The following DROSHA variants were observed in gnomAD, a reference collection of about 807,000 sequenced individuals.
The protein encoded by DROSHA is ribonuclease 3.
A neutral mutation model predicts 181.9 loss-of-function variants in DROSHA; 56 were observed. The ratio of observed to expected loss-of-function variants is 0.31; its 90% CI spans 0.25 to 0.38. DROSHA has a LOEUF of 0.38. DROSHA is among the 10% of genes least tolerant of loss of function. The pLI is 1.00. For missense variants in DROSHA, 1,218 were observed against 1,743.5 expected (o/e 0.70, Z 5.37); for synonymous variants, 524 against 591.2 (o/e 0.89, Z 1.65).
intron 20 of DROSHA, among the ~76,000 whole-genome samples, chr5:31,458,518 T>G (rs945250919): frequency 6.6e-6 from 1 of 152,200 alleles, no homozygotes; most frequent in Non-Finnish European, 1.5e-5. Flanking sequence ...TGGCAGACCC[T>G]GGGTCTACAT....
At chr5:31,414,210 AT>A (rs530839431) in intron 30 of DROSHA, among the ~76,000 whole-genome samples, 9 of 150,528 alleles carry the variant, frequency 6.0e-5, no homozygotes, top group Non-Finnish European at 8.9e-5. Context: ...TTGTGAGGTA[AT>A]TTTTTTTTTA....
intron 20 of DROSHA, among the ~76,000 whole-genome samples, chr5:31,453,178 G>C (rs1470093344): frequency 6.6e-6 from 1 of 152,092 alleles, no homozygotes; most frequent in Non-Finnish European, 1.5e-5. Flanking sequence ...ACCCTCTTTA[G>C]AGTTTGCTGA....
chr5:31,464,245 A>G lies in DROSHA; in HGVS notation c.2565T>C (p.Asp855=), dbSNP rs1561202185. 1.2e-6 allele frequency: 2 copies of G among 1,613,506 alleles called. No homozygotes were observed. Among genetic ancestry groups the G allele is most frequent in the Non-Finnish European group, 8.5e-7 (1 of 1,179,630 alleles). ...TCAGAAGTCTCCCCACCTGACAGAC[A>G]TCAGAACGGATGCCAGTTTTCCAGA... The part of the protein sequence containing the change: ...QGFWKTGIRS[D]VCQHAMMLPV... Residue 855 remains aspartate (D), a synonymous_variant, in exon 20 of 36, where the codon GAT becomes GAC. Coordinates refer to ENST00000344624, the MANE Select transcript of DROSHA (RefSeq NM_001382508.1).
At chr5:31,444,331 A>G (rs1561169889) in intron 23 of DROSHA, among the ~76,000 whole-genome samples, 1 of 152,148 alleles carries the variant, frequency 6.6e-6, no homozygotes, top group Non-Finnish European at 1.5e-5. Context: ...TCAAGGAAAG[A>G]GGCTCTCAAC....
intron 3 of DROSHA, among the ~76,000 whole-genome samples, 185 bp downstream of exon 3, chr5:31,530,613 A>G (rs944247297): frequency 2.1e-5 from 3 of 144,486 alleles, no homozygotes; most frequent in African/African-American, 5.1e-5. Flanking sequence ...CTGGGCAACA[A>G]GAGCGAAACT....
At chr5:31,462,049 T>C (rs758888143) in intron 20 of DROSHA, among the ~76,000 whole-genome samples, 5 of 152,170 alleles carry the variant, frequency 3.3e-5, no homozygotes, top group Non-Finnish European at 7.4e-5. Context: ...TTGGTTTTAA[T>C]AGTTCACTCT....
intron 15 of DROSHA, among the ~76,000 whole-genome samples, 169 bp downstream of exon 15, chr5:31,484,712 T>C (rs992178924): frequency 2.0e-5 from 3 of 152,268 alleles, no homozygotes; most frequent in Non-Finnish European, 4.4e-5. Flanking sequence ...CCATAGAAAC[T>C]TATTCATGTC....
In DROSHA at chr5:31,472,216, C is replaced by T; in HGVS notation, c.2088G>A (p.Val696=). 1 of 1,607,776 alleles carries T rather than the reference C, an allele frequency of 6.2e-7. No individual in the cohort carries two copies. The highest frequency in any genetic ancestry group is 8.5e-7 in the Non-Finnish European group (1 of 1,176,782). Residue 696 remains valine (V), a synonymous_variant, in exon 17 of 36, where the codon GTG becomes GTA. Transcript: ENST00000344624. ...ACAGGAGAATCTGGTGCATGGACAG[C>T]ACTTCCTTTCCTCCATCTTGGGTGG... ...VRFLPDGGKE[V]LSMHQILLYL...
intron 16 of DROSHA, among the ~76,000 whole-genome samples, chr5:31,473,101 C>T (rs2150029727): frequency 1.3e-5 from 2 of 152,310 alleles, no homozygotes; most frequent in South Asian, 4.1e-4. Flanking sequence ...ACAATCATTA[C>T]CCTCTCCCAG....
At chr5:31,420,764 T>G (rs575691015) in intron 30 of DROSHA, among the ~76,000 whole-genome samples, 77 of 152,374 alleles carry the variant, frequency 5.1e-4, no homozygotes, top group African/African-American at 1.8e-3. Flanking sequence ...CCATGAAGCC[T>G]TCTTTGAACT....
intron 16 of DROSHA, among the ~76,000 whole-genome samples, chr5:31,473,871 G>C (rs1033635813): frequency 6.6e-6 from 1 of 152,208 alleles, no homozygotes; most frequent in African/African-American, 2.4e-5. Context: ...GAATGTGAGA[G>C]AGGCAGCAGG....
intron 30 of DROSHA, among the ~76,000 whole-genome samples, chr5:31,419,597 C>T (rs1035830519): frequency 1.3e-5 from 2 of 151,952 alleles, no homozygotes; most frequent in Non-Finnish European, 2.9e-5. Context: ...GGAAAATGTA[C>T]ACGGTGAGCA....
At chr5:31,495,171 A>T (rs1339673626) in intron 12 of DROSHA, 115 bp downstream of exon 12, 7 of 1,226,944 alleles carry the variant, frequency 5.7e-6, no homozygotes, top group Non-Finnish European at 8.0e-6. Flanking sequence ...CAACATAAAA[A>T]TAAAATATTT....
In DROSHA at chr5:31,409,630, C is replaced by T; in HGVS notation, c.3668-298G>A. 1 of 338,032 alleles carries T rather than the reference C, an allele frequency of 3.0e-6. No homozygotes were observed. The highest frequency in any genetic ancestry group is 5.5e-6 in the Non-Finnish European group (1 of 181,476). 20.9% of individuals were successfully genotyped at this position (338,032 alleles called of 1,614,324 possible). On this transcript the variant is annotated intron_variant, in intron 31 of 35. Transcript: ENST00000344624. This position sits in a 1 kb window ranked among gnomAD's most constrained non-coding sequence, Gnocchi z 4.0. ...TGTATATCAGGGAAAAAATGCTGAG[C>T]ACCCAACCCTGTTCACATCAAATAA...
chr5:31,529,735 A>AAAC (rs202205732), intron 3 of DROSHA, among the ~76,000 whole-genome samples: 4,606 of 95,844 alleles, frequency 0.048, 245 homozygotes, highest in African/African-American at 0.19. Flanking sequence ...AAAAACAAAC[A>AAAC]AAAAAAAAAA....
intron 16 of DROSHA, among the ~76,000 whole-genome samples, chr5:31,476,628 TA>T (rs1374051934): frequency 6.6e-6 from 1 of 152,078 alleles, no homozygotes; most frequent in East Asian, 1.9e-4. Flanking sequence ...TGTAAAAAAG[TA>T]GAAACTCAGG....
chr5:31,435,349 T>C (rs1744663313), intron 25 of DROSHA, among the ~76,000 whole-genome samples: 1 of 152,206 alleles, frequency 6.6e-6, no homozygotes, highest in Non-Finnish European at 1.5e-5. Context: ...GGATAAAAAA[T>C]GGTCTGTAAT....
In DROSHA at chr5:31,484,870, C is replaced by A; in HGVS notation, c.1996+11G>T. 6.6e-7 allele frequency: 1 copy of A among 1,510,666 alleles called. No homozygotes were observed. The highest frequency in any genetic ancestry group is 9.0e-7 in the Non-Finnish European group (1 of 1,115,658). 93.6% of individuals were successfully genotyped at this position (1,510,666 alleles called of 1,614,324 possible). A position where few individuals can be genotyped will look rare whatever the true frequency, so the allele number is the denominator to read the frequency against. On this transcript the variant is annotated intron_variant, in intron 15 of 35. Transcript: ENST00000344624. ...TAAACACTACTCTCTTCTTTAAATC[C>A]TATTACTTACCTTTAAGATTCCAGT...
chr5:31,430,948 CA>C lies in DROSHA; in HGVS notation c.3145+627del, dbSNP rs149284294. Among the ~76,000 whole-genome samples, 1,943 of 152,224 alleles carry C rather than the reference CA, an allele frequency of 0.013. 112 individuals carry two copies. In the East Asian group the frequency reaches 0.2, roughly 16 times the overall value. ...TCTACTGTAACATTTCATTGTAAAGCATACAAACTTGCAGTCGCCAGCTAAT... is the reference window on the plus strand; with the variant it reads ...TCTACTGTAACATTTCATTGTAAAGCTACAAACTTGCAGTCGCCAGCTAAT... On this transcript the variant is annotated intron_variant, in intron 26 of 35. Transcript: ENST00000344624.
Sources: allele counts gnomAD v4.1 joint callset (sites outside exome capture counted in the v4.1 genomes callset), GRCh38; gene constraint gnomAD v4.1.1; non-coding constraint Gnocchi (gnomAD v3.1); transcripts MANE v1.5; gene names NCBI Gene and HGNC (gene_info 2026-07-23, HGNC 2026-07-21).